The following PTPRD variants were observed in gnomAD, a reference collection of about 807,000 sequenced individuals.
PTPRD encodes protein tyrosine phosphatase receptor type D.
A neutral mutation model predicts 214.5 loss-of-function variants in PTPRD; 34 were observed. The observed-to-expected ratio is 0.16, with a 90% CI of 0.12 to 0.21. The LOEUF (loss-of-function observed/expected upper bound fraction) is 0.21. PTPRD is among the 10% of genes least tolerant of loss of function. The pLI, the probability that PTPRD is intolerant of heterozygous loss-of-function variation, is 1.00. For synonymous variants in PTPRD, 1,128 were observed against 845.7 expected (o/e 1.33, Z -5.79); for missense variants, 2,545 against 2,398.7 (o/e 1.06, Z -1.27).
chr9:8,811,954 GA>G (rs2096816823), intron 11 of PTPRD, among the ~76,000 whole-genome samples: 2 of 150,666 alleles, frequency 1.3e-5, no homozygotes, highest in Non-Finnish European at 1.5e-5. Flanking sequence ...TCTGCACAGG[GA>G]AGCTTCGAGG....
chr9:9,644,096 T>C (rs2096064892), intron 7 of PTPRD, among the ~76,000 whole-genome samples: 3 of 152,350 alleles, frequency 2.0e-5, no homozygotes, highest in South Asian at 2.1e-4. Context: ...AGTATTGTAT[T>C]TTATTCAAGA....
intron 12 of PTPRD, among the ~76,000 whole-genome samples, chr9:8,643,481 T>C (rs1388830399): frequency 6.6e-6 from 1 of 152,192 alleles, no homozygotes; most frequent in Non-Finnish European, 1.5e-5. Context: ...CCCCTCATGA[T>C]GGCAGCAGCA....
At chr9:9,360,218 A>G (rs1022705501) in intron 9 of PTPRD, among the ~76,000 whole-genome samples, 42 of 151,132 alleles carry the variant, frequency 2.8e-4, no homozygotes, top group African/African-American at 9.9e-4. Context: ...GCTGAAAAAG[A>G]CTATTTCCTG....
intron 11 of PTPRD, among the ~76,000 whole-genome samples, chr9:8,769,019 T>G (rs1379503266): frequency 1.3e-5 from 2 of 152,166 alleles, no homozygotes; most frequent in Non-Finnish European, 2.9e-5. Context: ...GGGGAGGTGT[T>G]TAGCCAAAAG....
At chr9:9,771,075 A>C (rs2098748141) in intron 5 of PTPRD, among the ~76,000 whole-genome samples, 2 of 152,198 alleles carry the variant, frequency 1.3e-5, no homozygotes, top group African/African-American at 2.4e-5. Context: ...TTTTACTCCA[A>C]AACAAATTAA....
intron 35 of PTPRD, among the ~76,000 whole-genome samples, chr9:8,427,362 G>C (rs1040897325): frequency 2.0e-5 from 3 of 152,142 alleles, no homozygotes; most frequent in Non-Finnish European, 4.4e-5. Context: ...TCTTTCTTCT[G>C]TTTGCTCCTG....
intron 4 of PTPRD, among the ~76,000 whole-genome samples, chr9:10,024,715 G>A (rs1166156132): frequency 6.7e-6 from 1 of 150,176 alleles, no homozygotes; most frequent in Non-Finnish European, 1.5e-5. Flanking sequence ...GTGCCATGTT[G>A]GTGTGCTGCA....
At chr9:9,022,847 G>C (rs1589969855) in intron 10 of PTPRD, among the ~76,000 whole-genome samples, 1 of 152,098 alleles carries the variant, frequency 6.6e-6, no homozygotes, top group Non-Finnish European at 1.5e-5. Flanking sequence ...CATATTCGTA[G>C]AGATCAGCCA....
intron 7 of PTPRD, among the ~76,000 whole-genome samples, chr9:9,575,152 T>C (rs975388908): frequency 1.3e-5 from 2 of 152,164 alleles, no homozygotes; most frequent in Non-Finnish European, 2.9e-5. Flanking sequence ...TCCCGATATA[T>C]ACATGTGCAA....
chr9:10,472,489 G>A (rs1210922622), intron 2 of PTPRD, among the ~76,000 whole-genome samples: 1 of 149,470 alleles, frequency 6.7e-6, no homozygotes, highest in Non-Finnish European at 1.5e-5. Context: ...GCAGGTTGGA[G>A]TAGTTGGGGA....
At chr9:10,476,142 G>A (rs1233919611) in intron 2 of PTPRD, among the ~76,000 whole-genome samples, 1 of 152,076 alleles carries the variant, frequency 6.6e-6, no homozygotes, top group Non-Finnish European at 1.5e-5. Context: ...AGGGCAGTGA[G>A]GCAGGAGAAA....
intron 9 of PTPRD, among the ~76,000 whole-genome samples, chr9:9,358,040 T>A (rs1224452793): frequency 6.6e-6 from 1 of 151,310 alleles, no homozygotes. Context: ...ATGAGATTTT[T>A]CTATAAGATT....
At chr9:9,481,104 G>A (rs1488229737) in intron 8 of PTPRD, among the ~76,000 whole-genome samples, 1 of 152,070 alleles carries the variant, frequency 6.6e-6, no homozygotes, top group Non-Finnish European at 1.5e-5. Flanking sequence ...GATGATGATG[G>A]TGATAATGAT....
At chr9:9,240,274 G>A (rs928802094) in intron 9 of PTPRD, among the ~76,000 whole-genome samples, 2 of 152,080 alleles carry the variant, frequency 1.3e-5, no homozygotes, top group East Asian at 1.9e-4. Flanking sequence ...TTAAAATACT[G>A]ACACATTAAT....
At chr9:9,045,561 T>C (rs1275978007) in intron 10 of PTPRD, among the ~76,000 whole-genome samples, 1 of 152,166 alleles carries the variant, frequency 6.6e-6, no homozygotes, top group African/African-American at 2.4e-5. Flanking sequence ...GAACAGCCCA[T>C]GGTTGCTTCT....
Position 8,849,617 on chromosome 9 carries a change from A to G in PTPRD, c.-103-115671T>C, listed in dbSNP as rs116523745. Reference sequence around the variant, plus strand: ...AGAGAATAATAGGATTTCAATGGATACAAGTGAGGACAGCTGGTAAGAGAA... The same window carrying G: ...AGAGAATAATAGGATTTCAATGGATGCAAGTGAGGACAGCTGGTAAGAGAA... On this transcript the variant is annotated intron_variant, in intron 11 of 45. Coordinates refer to ENST00000381196, the MANE Select transcript of PTPRD (RefSeq NM_002839.4). Among the ~76,000 whole-genome samples the G allele has an allele frequency of 5.0e-3, 755 of 152,332 alleles. 5 individuals carry two copies. The highest frequency in any genetic ancestry group is 0.017 in the African/African-American group (725 of 41,570).
chr9:10,382,562 T>C (rs1477747206), intron 2 of PTPRD, among the ~76,000 whole-genome samples: 8 of 151,918 alleles, frequency 5.3e-5, no homozygotes, highest in African/African-American at 1.7e-4. Flanking sequence ...TTATGACAGG[T>C]TCACTATCAT....
chr9:9,050,933 C>T (rs2099683955), intron 10 of PTPRD, among the ~76,000 whole-genome samples: 1 of 152,110 alleles, frequency 6.6e-6, no homozygotes, highest in Admixed American at 6.6e-5. Context: ...GTCAGGCATC[C>T]ACTGGGGTCT....
chr9:10,562,183 T>C (rs1202129977), intron 2 of PTPRD, among the ~76,000 whole-genome samples: 1 of 152,146 alleles, frequency 6.6e-6, no homozygotes, highest in Non-Finnish European at 1.5e-5. Flanking sequence ...ATGGTCTGTC[T>C]TGAGATATAA....
Sources: gnomAD v4.1 joint callset for allele counts (sites outside exome capture counted in the v4.1 genomes callset) on GRCh38, gnomAD v4.1.1 for gene constraint, MANE v1.5 for transcripts, NCBI Gene and HGNC (gene_info 2026-07-23, HGNC 2026-07-21) for gene names.